Variants in PRICKLE2 observed in about 807,000 individuals in gnomAD.
The protein encoded by PRICKLE2 is prickle-like protein 2.
A neutral mutation model predicts 81.4 loss-of-function variants in PRICKLE2; 21 were observed. The observed-to-expected ratio is 0.26, with a 90% CI of 0.18 to 0.37. PRICKLE2 has a LOEUF of 0.37. PRICKLE2 is among the 10% of genes least tolerant of loss of function. PRICKLE2 has a pLI of 1.00. For synonymous variants in PRICKLE2, 456 were observed against 421.5 expected, an observed-to-expected ratio of 1.08 and a Z score of -1.00; for missense variants, 940 against 1,109.0, an observed-to-expected ratio of 0.85 and a Z score of 2.16.
At chr3:64,221,063 G>A (rs1159173743) in intron 1 of PRICKLE2, among the ~76,000 whole-genome samples, 1 of 151,786 alleles carries the variant, frequency 6.6e-6, no homozygotes, top group Non-Finnish European at 1.5e-5. Context: ...TTTAGCTAAA[G>A]GAGAACAGAG....
intron 2 of PRICKLE2, among the ~76,000 whole-genome samples, chr3:64,193,034 T>G (rs697279): frequency 3.3e-5 from 5 of 151,982 alleles, no homozygotes; most frequent in African/African-American, 1.2e-4. Context: ...CCAGTTATGA[T>G]CTTCCTGGAG....
intron 2 of PRICKLE2, among the ~76,000 whole-genome samples, chr3:64,233,454 T>C (rs555592559): frequency 1.3e-5 from 2 of 152,366 alleles, no homozygotes; most frequent in African/African-American, 4.8e-5. Flanking sequence ...TCCTGTCACA[T>C]GAACACTGGC....
intron 7 of PRICKLE2, among the ~76,000 whole-genome samples, chr3:64,129,730 T>C (rs2077171090): frequency 6.6e-6 from 1 of 152,074 alleles, no homozygotes; most frequent in African/African-American, 2.4e-5. Flanking sequence ...TCGGCTTTAA[T>C]GTATAATCAG....
intron 2 of PRICKLE2, among the ~76,000 whole-genome samples, chr3:64,252,649 A>T (rs1489833703): frequency 3.9e-5 from 6 of 152,298 alleles, no homozygotes; most frequent in African/African-American, 1.4e-4. Context: ...AGGACGCATG[A>T]CGGTGGGAAG....
chr3:64,236,260 C>G (rs943923823), intron 2 of PRICKLE2, among the ~76,000 whole-genome samples: 7 of 152,052 alleles, frequency 4.6e-5, no homozygotes, highest in African/African-American at 1.7e-4. Context: ...TTATTCAGCC[C>G]TCGATCCCCA....
At chr3:64,116,538 T>C (rs2106960349) in intron 7 of PRICKLE2, among the ~76,000 whole-genome samples, 1 of 152,124 alleles carries the variant, frequency 6.6e-6, no homozygotes, top group African/African-American at 2.4e-5. Context: ...TACAGAAATA[T>C]AAACAACCAT....
intron 1 of PRICKLE2, among the ~76,000 whole-genome samples, chr3:64,203,341 T>C (rs923979347): frequency 6.6e-6 from 1 of 152,222 alleles, no homozygotes; most frequent in East Asian, 1.9e-4. Flanking sequence ...GTCAGTTTAT[T>C]TCTCCAAGAA....
At chr3:64,258,893 G>GAAAGAAAGAAAGAAAGAAAGAAAT (rs796940955) in intron 2 of PRICKLE2, among the ~76,000 whole-genome samples, 121 of 140,904 alleles carry the variant, frequency 8.6e-4, no homozygotes, top group African/African-American at 2.8e-3. Context: ...AAGAAAGAAA[G>GAAAGAAAGAAAGAAAGAAAGAAAT]AAATCAGGAG....
At chr3:64,194,869 C>T (rs1441859366) in intron 2 of PRICKLE2, among the ~76,000 whole-genome samples, 5 of 151,842 alleles carry the variant, frequency 3.3e-5, no homozygotes, top group African/African-American at 1.2e-4. Context: ...TAGTGAGACC[C>T]CCTTCTGTAC....
At chr3:64,109,590 G>T (rs1389802255) in intron 7 of PRICKLE2, among the ~76,000 whole-genome samples, 1 of 152,148 alleles carries the variant, frequency 6.6e-6, no homozygotes, top group Non-Finnish European at 1.5e-5. Flanking sequence ...CCTGGGGCAG[G>T]GGTGGGGGAG....
intron 7 of PRICKLE2, among the ~76,000 whole-genome samples, chr3:64,141,484 T>C (rs1359346826): frequency 1.3e-5 from 2 of 152,244 alleles, no homozygotes; most frequent in African/African-American, 4.8e-5. Context: ...GTTGTTATTA[T>C]TTCTACTTCT....
At chr3:64,101,614 TG>T (rs2076663675) in intron 7 of PRICKLE2, 1 of 152,200 alleles carries the variant, frequency 6.6e-6, no homozygotes, top group Non-Finnish European at 1.5e-5. Flanking sequence ...AAGTCCATGC[TG>T]ATAGCAGATA....
chr3:64,127,578 C>T (rs967739958), intron 7 of PRICKLE2, among the ~76,000 whole-genome samples: 3 of 152,112 alleles, frequency 2.0e-5, no homozygotes, highest in African/African-American at 7.2e-5. Context: ...CCTGATCACA[C>T]AGGGAACATT....
chr3:64,099,132 G>T lies in PRICKLE2; in HGVS notation c.2454C>A (p.Leu818=), dbSNP rs1008192950. Residue 818 remains leucine, a synonymous_variant, in exon 8 of 8, where the codon CTC becomes CTA. Coordinates refer to ENST00000638394, the MANE Select transcript of PRICKLE2 (RefSeq NM_198859.4). The surrounding 1 kb of genome is among the most constrained non-coding windows in gnomAD (Gnocchi z 4.3). The part of the protein sequence containing the change: ...ELLHKYSSYG[L]PKSSTLGGRG... The stretch of plus-strand genomic sequence containing the variant: ...TGCCACCTAATGTGGAAGATTTGGG[G>T]AGGCCGTAGGAGCTGTATTTGTGCA... 2.5e-6 allele frequency: 4 copies of T among 1,614,080 alleles called. No homozygotes were observed. The highest frequency in any genetic ancestry group is 3.4e-6 in the Non-Finnish European group (4 of 1,180,044).
chr3:64,137,364 G>A (rs1229959536), intron 7 of PRICKLE2, among the ~76,000 whole-genome samples: 1 of 151,954 alleles, frequency 6.6e-6, no homozygotes. Context: ...GACACACCAC[G>A]CCCCAACCCC....
At chr3:64,263,066 T>C (rs554256275) in intron 2 of PRICKLE2, among the ~76,000 whole-genome samples, 1 of 152,330 alleles carries the variant, frequency 6.6e-6, no homozygotes, top group Non-Finnish European at 1.5e-5. Context: ...AGCCTTTGAA[T>C]TGTGATGGCT....
intron 1 of PRICKLE2, among the ~76,000 whole-genome samples, chr3:64,202,818 G>A (rs2078611787): frequency 6.6e-6 from 1 of 152,080 alleles, no homozygotes; most frequent in African/African-American, 2.4e-5. Flanking sequence ...AACAGAAGTA[G>A]CAAGGGTGGA....
chr3:64,164,992 A>C (rs980711657), intron 2 of PRICKLE2, among the ~76,000 whole-genome samples: 3 of 152,204 alleles, frequency 2.0e-5, no homozygotes, highest in African/African-American at 7.2e-5. Flanking sequence ...CTGACTCCCA[A>C]GTCAGAAGAC....
intron 4 of PRICKLE2, 130 bp from the exon 5 acceptor site, chr3:64,157,495 T>C: frequency 1.1e-6 from 1 of 933,676 alleles, no homozygotes; most frequent in Non-Finnish European, 1.7e-6. Context: ...CTATGCTTCC[T>C]GCTTTACACA....
Sources: gnomAD v4.1 joint callset for allele counts (sites outside exome capture counted in the v4.1 genomes callset) on GRCh38, gnomAD v4.1.1 for gene constraint, Gnocchi (gnomAD v3.1) non-coding constraint, MANE v1.5 for transcripts, NCBI Gene and HGNC (gene_info 2026-07-23, HGNC 2026-07-21) for gene names.